DARS1: variants seen among roughly 807,000 people sequenced by gnomAD.
DARS1 encodes the protein aspartate--tRNA ligase, cytoplasmic.
In DARS1, 51 loss-of-function variants were observed where a neutral mutation model predicts 68.8. The observed-to-expected ratio is 0.74, with a 90% confidence interval of 0.59 to 0.94. The LOEUF (loss-of-function observed/expected upper bound fraction) is 0.94, where lower values mean the gene tolerates loss of function less well. DARS1 is among the 40% of genes least tolerant of loss of function. DARS1 has a pLI of 0.00. For synonymous variants in DARS1, 203 were observed against 190.4 expected, an observed-to-expected ratio of 1.07 and a Z score of -0.55; for missense variants, 607 against 597.3, an observed-to-expected ratio of 1.02 and a Z score of -0.17.
At chr2:135,971,632 G>T (rs536669274) in intron 3 of DARS1, among the ~76,000 whole-genome samples, 3 of 152,240 alleles carry the variant, frequency 2.0e-5, no homozygotes, top group Admixed American at 2.0e-4. Context: ...ATCCAAATTG[G>T]AAAGGAAGAA....
intron 7 of DARS1, among the ~76,000 whole-genome samples, chr2:135,932,433 T>C (rs527543471): frequency 2.6e-5 from 4 of 152,208 alleles, no homozygotes; most frequent in Non-Finnish European, 4.4e-5. Flanking sequence ...CAAATGTGCA[T>C]GTAATTTTTT....
chr2:135,921,858 T>C (rs1032125916), intron 9 of DARS1, among the ~76,000 whole-genome samples: 3 of 152,222 alleles, frequency 2.0e-5, no homozygotes, highest in Admixed American at 1.3e-4. Context: ...ACATGGTACC[T>C]AGCACAAGGT....
chr2:135,920,339 T>TTA, intron 10 of DARS1, 114 bp downstream of exon 10: 1 of 1,412,402 alleles, frequency 7.1e-7, no homozygotes, highest in Non-Finnish European at 9.3e-7. Flanking sequence ...TGGTAAATCT[T>TTA]TATATATATG....
intron 10 of DARS1, among the ~76,000 whole-genome samples, chr2:135,917,247 T>C (rs1028660627): frequency 6.6e-6 from 1 of 152,162 alleles, no homozygotes; most frequent in Non-Finnish European, 1.5e-5. Context: ...TTCAAAATAA[T>C]AGTGAATGAG....
intron 4 of DARS1, among the ~76,000 whole-genome samples, chr2:135,957,824 C>T (rs1363763774): frequency 6.6e-6 from 1 of 152,046 alleles, no homozygotes; most frequent in Non-Finnish European, 1.5e-5. Context: ...CCTACAAATA[C>T]CAAACTACTG....
intron 7 of DARS1, 136 bp from the exon 8 acceptor site, chr2:135,924,634 A>G: frequency 7.6e-7 from 1 of 1,311,290 alleles, no homozygotes; most frequent in South Asian, 1.6e-5. Flanking sequence ...AGAGAAGACG[A>G]AAGGACACGA....
At chr2:135,938,542 C>T (rs993211970) in intron 5 of DARS1, among the ~76,000 whole-genome samples, 3 of 152,188 alleles carry the variant, frequency 2.0e-5, no homozygotes, top group African/African-American at 7.2e-5. Context: ...TGGCGAGGAG[C>T]TGCGTTCCTT....
chr2:135,972,369 A>C (rs1682390996), intron 3 of DARS1, among the ~76,000 whole-genome samples: 4 of 152,178 alleles, frequency 2.6e-5, no homozygotes, highest in Admixed American at 2.0e-4. Context: ...GGAAAACTGG[A>C]TATCCATATG....
At chr2:135,945,424 G>A (rs542798471) in intron 4 of DARS1, among the ~76,000 whole-genome samples, 4 of 152,206 alleles carry the variant, frequency 2.6e-5, no homozygotes, top group Admixed American at 2.6e-4. Context: ...CATCGCGCCC[G>A]GCCCAAACAC....
chr2:135,951,989 C>T (rs1681847674), intron 4 of DARS1, among the ~76,000 whole-genome samples: 1 of 152,116 alleles, frequency 6.6e-6, no homozygotes, highest in African/African-American at 2.4e-5. Flanking sequence ...GCCTGTAGTC[C>T]CTGCACTTTG....
chr2:135,949,725 G>A (rs1413919157), intron 4 of DARS1, among the ~76,000 whole-genome samples: 2 of 152,162 alleles, frequency 1.3e-5, no homozygotes, highest in East Asian at 3.9e-4. Flanking sequence ...TTAAAATAAT[G>A]TGTGAAGAGT....
chr2:135,923,025 C>T, intron 8 of DARS1, 107 bp from the exon 9 acceptor site: 1 of 1,231,624 alleles, frequency 8.1e-7, no homozygotes, highest in South Asian at 3.0e-5. Context: ...TTAACAAAAA[C>T]TGGAAAATGA....
intron 10 of DARS1, among the ~76,000 whole-genome samples, chr2:135,919,478 A>C (rs867503557): frequency 2.6e-5 from 4 of 152,248 alleles, no homozygotes; most frequent in African/African-American, 9.6e-5. Flanking sequence ...AAAATTTTAA[A>C]TATGATCTTC....
chr2:135,934,796 T>A (rs1681430134), intron 5 of DARS1, among the ~76,000 whole-genome samples: 1 of 138,628 alleles, frequency 7.2e-6, no homozygotes, highest in East Asian at 2.1e-4. Flanking sequence ...CTTGCTATCA[T>A]TTTTTTTTTT....
At chr2:135,911,619 G>T (rs1383661828) in intron 13 of DARS1, 126 bp from the exon 14 acceptor site, 17 of 611,570 alleles carry the variant, frequency 2.8e-5, no homozygotes, top group Middle Eastern at 3.1e-4. Context: ...ATGCAATCTT[G>T]TTCTCTAAAG....
chr2:135,936,889 T>C (rs1681483574), intron 5 of DARS1, among the ~76,000 whole-genome samples: 2 of 152,172 alleles, frequency 1.3e-5, no homozygotes, highest in Admixed American at 6.5e-5. Flanking sequence ...TGTCTGCCTG[T>C]TGGTCTGCCT....
chr2:135,979,371 A>G lies in DARS1; in HGVS notation c.125-5T>C, dbSNP rs758500574. The stretch of plus-strand genomic sequence containing the variant: ...TAACCCGAACCAAAACTCGATCTGT[A>G]ATAACAGTAAACGATTTTTATATAG... On this transcript the variant is annotated splice_polypyrimidine_tract_variant and splice_region_variant and intron_variant, in intron 2 of 15. Transcript: ENST00000264161. 4.4e-6 allele frequency: 5 copies of G among 1,136,012 alleles called. No homozygotes were observed. Among genetic ancestry groups the G allele is most frequent in the Middle Eastern group, 3.9e-4 (2 of 5,132 alleles). The allele number at this position is 1,136,012 out of a possible 1,614,324, so 70.4% of individuals were successfully genotyped here.
At chr2:135,907,502 A>G in intron 15 of DARS1, 95 bp from the exon 16 acceptor site, 1 of 776,138 alleles carries the variant, frequency 1.3e-6, no homozygotes, top group South Asian at 1.8e-5. Context: ...TAAACTAAAT[A>G]CTTTTCCTTG....
At chr2:135,912,633 T>A (rs1680920293) in intron 12 of DARS1, 67 bp from the exon 13 acceptor site, 1 of 651,746 alleles carries the variant, frequency 1.5e-6, no homozygotes, top group African/African-American at 1.9e-5. Flanking sequence ...TTTTGGTAAT[T>A]AACTTTATAC....
Sources: gnomAD v4.1 joint callset for allele counts (sites outside exome capture counted in the v4.1 genomes callset) on GRCh38, gnomAD v4.1.1 for gene constraint, MANE v1.5 for transcripts, NCBI Gene and HGNC (gene_info 2026-07-23, HGNC 2026-07-21) for gene names.